The following RTN1 variants were observed in gnomAD, a reference collection of about 807,000 sequenced individuals.
The protein encoded by RTN1 is reticulon-1.
RTN1 carries 25 observed loss-of-function variants against 65.5 expected under a neutral mutation model. The observed-to-expected ratio is 0.38, with a 90% CI of 0.28 to 0.53. The LOEUF is 0.53. Ranked by LOEUF, RTN1 falls within the 20% of genes least tolerant of loss-of-function variation. The probability of loss-of-function intolerance (pLI) is 0.79; values close to 1 mark genes in which losing one functional copy is unlikely to be tolerated. For synonymous variants in RTN1, 471 were observed against 447.6 expected, an observed-to-expected ratio of 1.05 and a Z score of -0.66; for missense variants, 983 against 1,025.4, an observed-to-expected ratio of 0.96 and a Z score of 0.57.
At chr14:59,635,881 G>T (rs1345279111) in intron 3 of RTN1, among the ~76,000 whole-genome samples, 1 of 152,056 alleles carries the variant, frequency 6.6e-6, no homozygotes, top group African/African-American at 2.4e-5. Flanking sequence ...TCTCATCAGT[G>T]TTAATAATGA....
intron 1 of RTN1, among the ~76,000 whole-genome samples, chr14:59,802,903 A>T (rs1046288736): frequency 2.0e-5 from 3 of 152,198 alleles, no homozygotes; most frequent in Non-Finnish European, 4.4e-5. Context: ...AAAGGTAACA[A>T]TAAAATGTAA....
intron 5 of RTN1, chr14:59,604,501 A>G (rs1881681415): frequency 6.6e-6 from 1 of 152,460 alleles, no homozygotes; most frequent in African/African-American, 2.4e-5. Flanking sequence ...AAATACAACC[A>G]TGGCCTTAAA....
intron 3 of RTN1, among the ~76,000 whole-genome samples, chr14:59,662,344 T>A (rs1476923665): frequency 7.8e-6 from 1 of 128,310 alleles, no homozygotes; most frequent in East Asian, 2.7e-4. Flanking sequence ...CGGTGTGTGA[T>A]GTCCCCCTTC....
chr14:59,806,359 C>T (rs1016886193), intron 1 of RTN1, among the ~76,000 whole-genome samples: 1 of 151,746 alleles, frequency 6.6e-6, no homozygotes. Flanking sequence ...TTGTGATGTG[C>T]AGAAATATCA....
chr14:59,859,254 T>C (rs774425116), intron 1 of RTN1, among the ~76,000 whole-genome samples: 17 of 152,204 alleles, frequency 1.1e-4, no homozygotes, highest in Admixed American at 2.0e-4. Context: ...TGGGAGGTAA[T>C]TGAATCATGG....
rs142102485 is a variant in RTN1, at chr14:59,669,318, A to C, written c.1765+57601T>G. The stretch of plus-strand genomic sequence containing the variant: ...ATGTTCTTTGCAGGGACATGGATGG[A>C]GTTGGAAATCATCATTCTCTTCAAA... On this transcript the variant is annotated intron_variant, in intron 3 of 8. Coordinates refer to ENST00000267484, the MANE Select transcript of RTN1 (RefSeq NM_021136.3). Among the ~76,000 whole-genome samples, 888 of 152,258 alleles carry C rather than the reference A, an allele frequency of 5.8e-3. 3 individuals carry two copies. The highest frequency in any genetic ancestry group is 0.017 in the Middle Eastern group (5 of 294).
chr14:59,658,134 G>C (rs1883163253), intron 3 of RTN1, among the ~76,000 whole-genome samples: 1 of 152,250 alleles, frequency 6.6e-6, no homozygotes, highest in South Asian at 2.1e-4. Context: ...GAGCCTCGGG[G>C]AAGTTCAAAA....
chr14:59,747,234 C>A (rs1214690009), intron 1 of RTN1, among the ~76,000 whole-genome samples: 2 of 152,206 alleles, frequency 1.3e-5, no homozygotes, highest in South Asian at 4.1e-4. Flanking sequence ...AAGGGTAAGA[C>A]AGGTTTCCAA....
intron 1 of RTN1, among the ~76,000 whole-genome samples, chr14:59,812,802 C>T (rs1886752575): frequency 6.6e-6 from 1 of 152,174 alleles, no homozygotes; most frequent in Non-Finnish European, 1.5e-5. Context: ...GAACTTATTG[C>T]ACTTAAAAGT....
chr14:59,845,256 A>C (rs893695930), intron 1 of RTN1, among the ~76,000 whole-genome samples: 1 of 152,230 alleles, frequency 6.6e-6, no homozygotes, highest in Admixed American at 6.5e-5. Flanking sequence ...AAGTTCAGTG[A>C]ATATGATTTT....
At chr14:59,770,518 C>CTA (rs1490671092) in intron 1 of RTN1, among the ~76,000 whole-genome samples, 1 of 151,724 alleles carries the variant, frequency 6.6e-6, no homozygotes, top group African/African-American at 2.4e-5. Flanking sequence ...TCTCAGAACT[C>CTA]TACTCATTTC....
At chr14:59,795,874 G>A (rs147711324) in intron 1 of RTN1, among the ~76,000 whole-genome samples, 313 of 152,186 alleles carry the variant, frequency 2.1e-3, no homozygotes, top group African/African-American at 7.1e-3. Context: ...AATGTAATAC[G>A]TTTTGGGGAT....
chr14:59,614,024 T>C (rs1204800444), intron 3 of RTN1, among the ~76,000 whole-genome samples: 1 of 152,120 alleles, frequency 6.6e-6, no homozygotes, highest in Non-Finnish European at 1.5e-5. Context: ...TTTGCACACT[T>C]GGATAGGAGA....
intron 3 of RTN1, among the ~76,000 whole-genome samples, chr14:59,721,964 T>A (rs1469029954): frequency 6.6e-6 from 1 of 152,236 alleles, no homozygotes; most frequent in Non-Finnish European, 1.5e-5. Context: ...GTTGGTGTTT[T>A]TTCCAACTTT....
intron 3 of RTN1, among the ~76,000 whole-genome samples, chr14:59,679,552 G>T (rs915480519): frequency 1.1e-4 from 16 of 152,156 alleles, no homozygotes; most frequent in Non-Finnish European, 2.2e-4. Flanking sequence ...AAAAAGGGTT[G>T]AACAGTAAAA....
At chr14:59,630,943 GGTGCATATTC>G (rs1882540020) in intron 3 of RTN1, 1 of 620,910 alleles carries the variant, frequency 1.6e-6, no homozygotes, top group African/African-American at 2.0e-5. Context: ...GAATATGCGA[GGTGCATATTC>G]TAGAAATTTC....
At chr14:59,700,036 C>A (rs1884145873) in intron 3 of RTN1, among the ~76,000 whole-genome samples, 1 of 152,052 alleles carries the variant, frequency 6.6e-6, no homozygotes, top group South Asian at 2.1e-4. Context: ...CTCAACTCTA[C>A]CCTTGTAGCA....
chr14:59,675,999 C>T (rs73309670), intron 3 of RTN1, among the ~76,000 whole-genome samples: 3,416 of 152,132 alleles, frequency 0.022, 133 homozygotes, highest in African/African-American at 0.078. Context: ...TGTTAGGTAC[C>T]ACTCTGTATA....
chr14:59,731,248 A>G lies in RTN1; in HGVS notation c.1016-3580T>C, dbSNP rs78120344. ...AAAACAGTGAAATAAGTCAGTCACAAAGGACCACATATTATGTGAGCCCAT... is the reference window on the plus strand; with the variant it reads ...AAAACAGTGAAATAAGTCAGTCACAGAGGACCACATATTATGTGAGCCCAT... On this transcript the variant is annotated intron_variant, in intron 2 of 8. Coordinates refer to ENST00000267484, the MANE Select transcript of RTN1 (RefSeq NM_021136.3). Among the ~76,000 whole-genome samples, 341 of 152,338 alleles carry G rather than the reference A, an allele frequency of 2.2e-3. 8 individuals carry two copies. The East Asian group carries it at 0.036, about 16-fold the overall frequency.
Sources: gnomAD v4.1 joint callset for allele counts (sites outside exome capture counted in the v4.1 genomes callset) on GRCh38, gnomAD v4.1.1 for gene constraint, MANE v1.5 for transcripts, NCBI Gene and HGNC (gene_info 2026-07-23, HGNC 2026-07-21) for gene names.